The following EXTL3 variants were observed in gnomAD, a reference collection of about 807,000 sequenced individuals.
The protein encoded by EXTL3 is exostosin-like 3.
EXTL3 carries 27 observed loss-of-function variants against 69.3 expected under a neutral mutation model. That is an observed-to-expected ratio of 0.39 (90% CI 0.29 to 0.54). The LOEUF (loss-of-function observed/expected upper bound fraction) is 0.54. Ranked by LOEUF, EXTL3 falls within the 20% of genes least tolerant of loss-of-function variation. The probability of loss-of-function intolerance (pLI) is 0.69; values close to 1 mark genes in which losing one functional copy is unlikely to be tolerated. For missense variants in EXTL3, 1,003 were observed against 1,231.8 expected (o/e 0.81, Z 2.78); for synonymous variants, 511 against 499.4 (o/e 1.02, Z -0.31).
chr8:28,670,965 C>T (rs1807276275), intron 1 of EXTL3, among the ~76,000 whole-genome samples: 1 of 83,534 alleles, frequency 1.2e-5, no homozygotes, highest in African/African-American at 6.0e-5. Flanking sequence ...AGCACCATAG[C>T]TTCTGTTTTT....
rs147398395 is a variant in EXTL3, at chr8:28,754,262, A to T, written c.*3396A>T. The T allele has an allele frequency of 7.0e-4, 107 of 152,442 alleles. 1 individual carries two copies. The East Asian group carries it at 0.013, about 18-fold the overall frequency. The allele number at this position is 152,442 out of a possible 1,614,324, so 9.4% of individuals were successfully genotyped here. The stretch of plus-strand genomic sequence containing the variant: ...CCTAGATCTTGTGCTTGGCTGTGGG[A>T]TCAGAGGCTTCCTCAGGAGAGGGCA... On this transcript the variant is annotated 3_prime_UTR_variant, in exon 7 of 7. Coordinates refer to ENST00000220562, the MANE Select transcript of EXTL3 (RefSeq NM_001440.4).
At chr8:28,666,655 A>G (rs1157669803) in intron 1 of EXTL3, among the ~76,000 whole-genome samples, 1 of 152,110 alleles carries the variant, frequency 6.6e-6, no homozygotes, top group East Asian at 1.9e-4. Flanking sequence ...GGCTCACTAC[A>G]ACCCCCGCCT....
intron 6 of EXTL3, among the ~76,000 whole-genome samples, chr8:28,745,987 G>A (rs1395510863): frequency 6.6e-6 from 1 of 152,152 alleles, no homozygotes; most frequent in African/African-American, 2.4e-5. Context: ...CTAACTCTTA[G>A]TAATTCCTTC....
chr8:28,695,614 T>C (rs1466397172), intron 1 of EXTL3, among the ~76,000 whole-genome samples: 1 of 152,332 alleles, frequency 6.6e-6, no homozygotes, highest in Admixed American at 6.5e-5. Context: ...TGCCCAGAAA[T>C]TCTTTCTTGC....
chr8:28,732,438 T>G (rs1330835681), intron 4 of EXTL3, among the ~76,000 whole-genome samples: 1 of 152,208 alleles, frequency 6.6e-6, no homozygotes, highest in African/African-American at 2.4e-5. Flanking sequence ...CATTTAAGTG[T>G]ACAATTCAGT....
intron 1 of EXTL3, chr8:28,710,609 C>A: frequency 3.7e-6 from 1 of 272,056 alleles, no homozygotes. Context: ...AGTTTTCTTT[C>A]TTTCTTTTTT....
chr8:28,733,958 C>T (rs1040841440), intron 4 of EXTL3, among the ~76,000 whole-genome samples: 1 of 151,972 alleles, frequency 6.6e-6, no homozygotes, highest in Non-Finnish European at 1.5e-5. Context: ...GCTGGGACTA[C>T]AGGCGCCTGC....
chr8:28,724,111 T>A (rs895969717), intron 3 of EXTL3, among the ~76,000 whole-genome samples: 1 of 152,130 alleles, frequency 6.6e-6, no homozygotes, highest in Non-Finnish European at 1.5e-5. Context: ...ATGTAAAATG[T>A]ATGAAAATTA....
At chr8:28,654,089 T>C (rs1450902806) in intron 1 of EXTL3, among the ~76,000 whole-genome samples, 1 of 152,222 alleles carries the variant, frequency 6.6e-6, no homozygotes, top group Non-Finnish European at 1.5e-5. Context: ...TTTTCACTGA[T>C]TACATTTTAA....
chr8:28,712,739 G>A (rs1801055779), intron 1 of EXTL3, among the ~76,000 whole-genome samples: 1 of 152,228 alleles, frequency 6.6e-6, no homozygotes, highest in African/African-American at 2.4e-5. Context: ...TGGGAATTTA[G>A]TGGGGATGCA....
intron 1 of EXTL3, among the ~76,000 whole-genome samples, chr8:28,687,516 G>A (rs1807596733): frequency 6.6e-6 from 1 of 152,078 alleles, no homozygotes; most frequent in Non-Finnish European, 1.5e-5. Context: ...AATTGGGGAA[G>A]GGAGAGAAAA....
At chr8:28,676,570 G>T (rs1004834098) in intron 1 of EXTL3, among the ~76,000 whole-genome samples, 10 of 152,240 alleles carry the variant, frequency 6.6e-5, no homozygotes, top group African/African-American at 2.4e-4. Flanking sequence ...AGGGCTCAGA[G>T]AAAGAGGTCT....
chr8:28,647,275 T>A (rs1168258915), intron 1 of EXTL3, among the ~76,000 whole-genome samples: 1 of 152,120 alleles, frequency 6.6e-6, no homozygotes, highest in East Asian at 1.9e-4. Flanking sequence ...CAATGAATTT[T>A]TTTTATTTAG....
chr8:28,691,572 A>ATGTTTTTTTTTTTTTTTTTTTTTTTTTT (rs1800612620), intron 1 of EXTL3, among the ~76,000 whole-genome samples: 1 of 135,494 alleles, frequency 7.4e-6, no homozygotes, highest in African/African-American at 3.2e-5. Context: ...AGTTTTTGTG[A>ATGTTTTTTTTTTTTTTTTTTTTTTTTTT]TTTTTTTTTT....
chr8:28,646,384 T>C (rs1314167598), intron 1 of EXTL3, among the ~76,000 whole-genome samples: 1 of 152,248 alleles, frequency 6.6e-6, no homozygotes. Context: ...TAGAGCCTTG[T>C]GAGAACAGGT....
At chr8:28,710,610 T>C in intron 1 of EXTL3, 1 of 351,108 alleles carries the variant, frequency 2.8e-6, no homozygotes, top group Non-Finnish European at 5.4e-6. Context: ...GTTTTCTTTC[T>C]TTCTTTTTTT....
intron 1 of EXTL3, among the ~76,000 whole-genome samples, chr8:28,685,442 C>T (rs1487969740): frequency 2.0e-5 from 3 of 151,530 alleles, no homozygotes; most frequent in African/African-American, 7.3e-5. Context: ...TTCCTTCTGC[C>T]CTTGCTTTTT....
intron 4 of EXTL3, 114 bp downstream of exon 4, chr8:28,731,464 A>G (rs1801536695): frequency 8.9e-7 from 1 of 1,121,370 alleles, no homozygotes; most frequent in East Asian, 2.5e-5. Flanking sequence ...GCAGATAGTC[A>G]GGGCTGATGT....
intron 1 of EXTL3, among the ~76,000 whole-genome samples, chr8:28,646,759 C>A (rs1806837528): frequency 6.6e-6 from 1 of 152,166 alleles, no homozygotes; most frequent in African/African-American, 2.4e-5. Context: ...TTGGGGAAGT[C>A]AGTTAATTTC....
Sources: allele counts gnomAD v4.1 joint callset (sites outside exome capture counted in the v4.1 genomes callset), GRCh38; gene constraint gnomAD v4.1.1; transcripts MANE v1.5; gene names NCBI Gene and HGNC (gene_info 2026-07-23, HGNC 2026-07-21).